The following CFAP77 variants were observed in gnomAD, a reference collection of about 807,000 sequenced individuals.
The protein encoded by CFAP77 is cilia and flagella associated protein 77.
In CFAP77, 25 loss-of-function variants were observed where a neutral mutation model predicts 31.1. The observed-to-expected ratio is 0.80, with a 90% CI of 0.59 to 1.12. The LOEUF (loss-of-function observed/expected upper bound fraction) is 1.12. Ranked by LOEUF, CFAP77 falls within the 50% of genes most tolerant of loss-of-function variation. The probability of loss-of-function intolerance (pLI) is 0.00; values close to 1 mark genes in which losing one functional copy is unlikely to be tolerated. For missense variants in CFAP77, 377 were observed against 397.3 expected (o/e 0.95, Z 0.44); for synonymous variants, 151 against 159.9 (o/e 0.94, Z 0.42).
At chr9:132,544,891 C>T (rs933174289) in intron 5 of CFAP77, among the ~76,000 whole-genome samples, 1 of 152,124 alleles carries the variant, frequency 6.6e-6, no homozygotes, top group African/African-American at 2.4e-5. Flanking sequence ...CATGGGCTGC[C>T]CTCTGCAGCA....
chr9:132,452,118 A>G (rs565975402), intron 1 of CFAP77, among the ~76,000 whole-genome samples: 73 of 152,224 alleles, frequency 4.8e-4, no homozygotes, highest in African/African-American at 1.7e-3. Flanking sequence ...TTTTCAAAAG[A>G]ACAAATCTGG....
At chr9:132,483,448 C>A (rs144970654) in intron 1 of CFAP77, among the ~76,000 whole-genome samples, 7 of 152,214 alleles carry the variant, frequency 4.6e-5, no homozygotes, top group Non-Finnish European at 1.0e-4. Flanking sequence ...TTGTGGGGGA[C>A]CTGCAGCAGC....
rs539558534 is a variant in CFAP77 at position 132,511,330 on chromosome 9, T to C, written c.524+11730T>C. ...CTTTTCCCTCTGCCAGGGATGCTCG[T>C]TCCCACCTTGCCTGGCGGAGGCCTC... is the stretch of plus-strand genomic sequence containing the variant. On this transcript the variant is annotated intron_variant, in intron 3 of 5. Coordinates refer to ENST00000393216, the MANE Select transcript of CFAP77 (RefSeq NM_001282957.2). This position sits in a 1 kb window ranked among gnomAD's most constrained non-coding sequence, Gnocchi z 5.8. Among the ~76,000 whole-genome samples, 4 of 152,176 alleles carry C rather than the reference T, an allele frequency of 2.6e-5. No homozygotes were observed. Among genetic ancestry groups the C allele is most frequent in the Non-Finnish European group, 5.9e-5 (4 of 68,030 alleles).
At chr9:132,427,068 C>T (rs935917360) in intron 1 of CFAP77, among the ~76,000 whole-genome samples, 4 of 152,102 alleles carry the variant, frequency 2.6e-5, no homozygotes, top group Non-Finnish European at 4.4e-5. Context: ...TGAATTTATC[C>T]ATATAAGAAG....
At chr9:132,524,944 G>A (rs909140137) in intron 3 of CFAP77, among the ~76,000 whole-genome samples, 12 of 149,152 alleles carry the variant, frequency 8.0e-5, no homozygotes, top group African/African-American at 2.4e-4. Flanking sequence ...CACTGTACCC[G>A]GCCGACACAC....
chr9:132,494,659 A>C (rs1265939389), intron 1 of CFAP77, among the ~76,000 whole-genome samples: 3 of 149,474 alleles, frequency 2.0e-5, no homozygotes, highest in Non-Finnish European at 4.4e-5. Flanking sequence ...ATAGTGCCAA[A>C]CAGCACTATC....
chr9:132,521,778 T>TTTTTTTTTGTTTTG (rs533275755), intron 3 of CFAP77, among the ~76,000 whole-genome samples: 2 of 106,152 alleles, frequency 1.9e-5, no homozygotes, highest in Admixed American at 1.1e-4. Flanking sequence ...TTTTTTTTTT[T>TTTTTTTTTGTTTTG]TTTTTTGAGA....
intron 1 of CFAP77, among the ~76,000 whole-genome samples, chr9:132,422,276 T>G (rs1262687589): frequency 6.6e-6 from 1 of 152,202 alleles, no homozygotes; most frequent in Non-Finnish European, 1.5e-5. Context: ...CCCAAAGTGC[T>G]GGGATTATAG....
At chr9:132,540,857 C>T (rs1852628425) in intron 4 of CFAP77, among the ~76,000 whole-genome samples, 1 of 152,148 alleles carries the variant, frequency 6.6e-6, no homozygotes, top group Admixed American at 6.5e-5. Context: ...GTGAGCGAGA[C>T]GTCCTACTTC....
intron 3 of CFAP77, among the ~76,000 whole-genome samples, chr9:132,513,000 G>T (rs763286607): frequency 2.0e-5 from 3 of 152,042 alleles, no homozygotes; most frequent in Non-Finnish European, 2.9e-5. Flanking sequence ...TGAGGAGCAG[G>T]TATTTTATTT....
chr9:132,506,242 G>A (rs1044845815), intron 3 of CFAP77, among the ~76,000 whole-genome samples: 4 of 152,210 alleles, frequency 2.6e-5, no homozygotes, highest in Non-Finnish European at 5.9e-5. Flanking sequence ...CAGCGTGTAA[G>A]GCCCTAACAC....
intron 1 of CFAP77, among the ~76,000 whole-genome samples, chr9:132,493,864 C>T (rs941543448): frequency 6.9e-6 from 1 of 145,584 alleles, no homozygotes; most frequent in Non-Finnish European, 1.5e-5. Context: ...TTTCTTTTCT[C>T]TTTTCTTTTC....
intron 1 of CFAP77, among the ~76,000 whole-genome samples, chr9:132,427,168 C>T (rs1006856135): frequency 6.6e-6 from 1 of 152,222 alleles, no homozygotes; most frequent in Non-Finnish European, 1.5e-5. Flanking sequence ...GAACCGGCTT[C>T]CCCAGAGCAC....
chr9:132,498,380 C>A lies in CFAP77; in HGVS notation c.196-315C>A, dbSNP rs985761290. Among the ~76,000 whole-genome samples, 1 of 152,164 alleles carries A rather than the reference C, an allele frequency of 6.6e-6. No individual in the cohort carries two copies. Among genetic ancestry groups the A allele is most frequent in the Non-Finnish European group, 1.5e-5 (1 of 68,028 alleles). On this transcript the variant is annotated intron_variant, in intron 1 of 5. Coordinates refer to ENST00000393216, the MANE Select transcript of CFAP77 (RefSeq NM_001282957.2). This position sits in a 1 kb window ranked among gnomAD's most constrained non-coding sequence, Gnocchi z 4.2. ...AGCCAGCCAGGTCTAGGCTGCACCC[C>A]AAACACAGCGGCTCAGCTCGGGGAC...
chr9:132,537,029 C>T (rs978912800), intron 3 of CFAP77, among the ~76,000 whole-genome samples: 7 of 152,074 alleles, frequency 4.6e-5, no homozygotes, highest in Admixed American at 6.5e-5. Context: ...TTATTCAATA[C>T]TATTGCAAAA....
At chr9:132,411,384 G>A (rs1849996761) in intron 1 of CFAP77, among the ~76,000 whole-genome samples, 1 of 152,226 alleles carries the variant, frequency 6.6e-6, no homozygotes, top group African/African-American at 2.4e-5. Context: ...GGTGGTGGCG[G>A]TTTGTTTTTG....
At chr9:132,429,723 G>A (rs546596916) in intron 1 of CFAP77, among the ~76,000 whole-genome samples, 9 of 151,006 alleles carry the variant, frequency 6.0e-5, no homozygotes, top group African/African-American at 1.2e-4. Context: ...GGACATGGTC[G>A]CGGGTGCCTG....
chr9:132,412,771 G>A (rs532288623), intron 1 of CFAP77, among the ~76,000 whole-genome samples: 4 of 152,068 alleles, frequency 2.6e-5, no homozygotes, highest in Non-Finnish European at 5.9e-5. Context: ...AACAACTTTG[G>A]TGTTTTTGAC....
intron 1 of CFAP77, among the ~76,000 whole-genome samples, chr9:132,489,787 C>T (rs1353541497): frequency 6.6e-6 from 1 of 152,112 alleles, no homozygotes; most frequent in African/African-American, 2.4e-5. Context: ...TGCAACTGGC[C>T]ACCTCTCATC....
Sources: gnomAD v4.1 joint callset for allele counts (sites outside exome capture counted in the v4.1 genomes callset) on GRCh38, gnomAD v4.1.1 for gene constraint, Gnocchi (gnomAD v3.1) non-coding constraint, MANE v1.5 for transcripts, NCBI Gene and HGNC (gene_info 2026-07-23, HGNC 2026-07-21) for gene names.